MGAT5: variants seen among roughly 807,000 people sequenced by gnomAD.
The protein encoded by MGAT5 is alpha-1,6-mannosylglycoprotein 6-beta-N-acetylglucosaminyltransferase A.
A neutral mutation model predicts 94.3 loss-of-function variants in MGAT5; 30 were observed. The ratio of observed to expected loss-of-function variants is 0.32; its 90% CI spans 0.24 to 0.43. The LOEUF is 0.43. MGAT5 is among the 20% of genes least tolerant of loss of function. The pLI, the probability that MGAT5 is intolerant of heterozygous loss-of-function variation, is 1.00. For missense variants in MGAT5, 691 were observed against 905.5 expected, an observed-to-expected ratio of 0.76 and a Z score of 3.04; for synonymous variants, 310 against 322.9, an observed-to-expected ratio of 0.96 and a Z score of 0.43.
intron 10 of MGAT5, among the ~76,000 whole-genome samples, chr2:134,376,601 A>G (rs1158679358): frequency 6.6e-6 from 1 of 152,154 alleles, no homozygotes; most frequent in African/African-American, 2.4e-5. Context: ...TGTGACCTCT[A>G]ACCCCAGCAT....
chr2:134,271,342 G>A (rs1373386774), intron 2 of MGAT5, among the ~76,000 whole-genome samples: 2 of 152,124 alleles, frequency 1.3e-5, no homozygotes, highest in Non-Finnish European at 2.9e-5. Context: ...AGGACAAAGT[G>A]AAGAGCCTGA....
intron 15 of MGAT5, among the ~76,000 whole-genome samples, chr2:134,447,246 C>T (rs1486455670): frequency 6.6e-6 from 1 of 152,156 alleles, no homozygotes; most frequent in Non-Finnish European, 1.5e-5. Context: ...ATGAGACTTC[C>T]ATGAACCAAG....
At chr2:134,232,101 G>T (rs200908938) in intron 1 of MGAT5, among the ~76,000 whole-genome samples, 1 of 117,122 alleles carries the variant, frequency 8.5e-6, no homozygotes, top group Non-Finnish European at 1.9e-5. Flanking sequence ...CCTCCTCCTC[G>T]TCTTCCCTCA....
intron 7 of MGAT5, among the ~76,000 whole-genome samples, chr2:134,342,151 G>A (rs142380622): frequency 6.6e-6 from 1 of 152,266 alleles, no homozygotes; most frequent in Non-Finnish European, 1.5e-5. Flanking sequence ...GCAGGTTCCT[G>A]TTTGTAATTC....
intron 1 of MGAT5, among the ~76,000 whole-genome samples, chr2:134,148,419 A>C (rs890208973): frequency 6.6e-6 from 1 of 152,248 alleles, no homozygotes; most frequent in African/African-American, 2.4e-5. Flanking sequence ...GTGTGCAGTG[A>C]AAGTTGAGAA....
At chr2:134,335,496 T>C (rs1422848374) in intron 4 of MGAT5, among the ~76,000 whole-genome samples, 1 of 152,162 alleles carries the variant, frequency 6.6e-6, no homozygotes, top group Non-Finnish European at 1.5e-5. Context: ...ATAATTTCTA[T>C]AGAATCAAGT....
At chr2:134,407,469 C>T (rs1683407285) in intron 11 of MGAT5, among the ~76,000 whole-genome samples, 1 of 152,136 alleles carries the variant, frequency 6.6e-6, no homozygotes, top group Non-Finnish European at 1.5e-5. Context: ...GTCTGACTTT[C>T]AGAGCAAAAG....
intron 10 of MGAT5, among the ~76,000 whole-genome samples, chr2:134,400,708 C>G (rs1162652604): frequency 6.6e-6 from 1 of 152,136 alleles, no homozygotes; most frequent in Non-Finnish European, 1.5e-5. Context: ...ACAGACATAG[C>G]CTAGGGGCCT....
chr2:134,245,779 C>G (rs979490811), intron 1 of MGAT5, among the ~76,000 whole-genome samples: 1 of 152,200 alleles, frequency 6.6e-6, no homozygotes, highest in African/African-American at 2.4e-5. Context: ...CCCAGATTCA[C>G]CAGCCCTGTT....
At chr2:134,411,329 C>G (rs1574043403) in intron 11 of MGAT5, among the ~76,000 whole-genome samples, 1 of 152,158 alleles carries the variant, frequency 6.6e-6, no homozygotes, top group East Asian at 1.9e-4. Flanking sequence ...CACCCGTGAT[C>G]TCTGGTGGTT....
chr2:134,269,766 A>G (rs997152953), intron 1 of MGAT5, among the ~76,000 whole-genome samples: 1 of 152,206 alleles, frequency 6.6e-6, no homozygotes, highest in African/African-American at 2.4e-5. Context: ...ATCTAGAATA[A>G]TATCTGGCAC....
intron 6 of MGAT5, among the ~76,000 whole-genome samples, chr2:134,339,013 CT>C (rs1688487141): frequency 6.6e-6 from 1 of 152,130 alleles, no homozygotes; most frequent in Admixed American, 6.6e-5. Context: ...CTGTTCTGTT[CT>C]GATTTCAGAA....
chr2:134,214,022 TCCCATCCCGAAGCTATTTAGGGA>T (rs1680339319), intron 1 of MGAT5, among the ~76,000 whole-genome samples: 1 of 152,136 alleles, frequency 6.6e-6, no homozygotes, highest in African/African-American at 2.4e-5. Context: ...TGGTAGCCAG[TCCCATCCCGAAGCTATTTAGGGA>T]CCTCAGCCAC....
intron 2 of MGAT5, among the ~76,000 whole-genome samples, chr2:134,310,119 A>G (rs1686562052): frequency 6.6e-6 from 1 of 152,184 alleles, no homozygotes; most frequent in Admixed American, 6.5e-5. Context: ...TAGTATTTGT[A>G]CACAGGCAGT....
chr2:134,292,289 C>CTT (rs1685415236), intron 2 of MGAT5, among the ~76,000 whole-genome samples: 1 of 152,066 alleles, frequency 6.6e-6, no homozygotes, highest in East Asian at 1.9e-4. Context: ...TTCTGAGACC[C>CTT]AATGCCTTTT....
intron 2 of MGAT5, among the ~76,000 whole-genome samples, chr2:134,301,276 A>G (rs978108970): frequency 6.6e-6 from 1 of 152,150 alleles, no homozygotes; most frequent in Non-Finnish European, 1.5e-5. Context: ...TGTTTTCCTG[A>G]TAATGAGCAT....
chr2:134,322,565 C>G (rs939510173), intron 4 of MGAT5, among the ~76,000 whole-genome samples: 1 of 152,156 alleles, frequency 6.6e-6, no homozygotes, highest in South Asian at 2.1e-4. Context: ...ATTAGCTGCA[C>G]GTATGGACCC....
chr2:134,255,692 G>A (rs1682920678), intron 1 of MGAT5, among the ~76,000 whole-genome samples: 1 of 151,510 alleles, frequency 6.6e-6, no homozygotes, highest in Non-Finnish European at 1.5e-5. Flanking sequence ...TCTCACTGAA[G>A]TGGTCTCCCT....
intron 1 of MGAT5, among the ~76,000 whole-genome samples, chr2:134,260,823 GAA>G (rs1389871693): frequency 2.0e-5 from 3 of 151,772 alleles, no homozygotes; most frequent in African/African-American, 7.3e-5. Context: ...AAATGGTAGG[GAA>G]AAAAATAGCT....
Sources: gnomAD v4.1 joint callset for allele counts (sites outside exome capture counted in the v4.1 genomes callset) on GRCh38, gnomAD v4.1.1 for gene constraint, MANE v1.5 for transcripts, NCBI Gene and HGNC (gene_info 2026-07-23, HGNC 2026-07-21) for gene names.